Variants in POU6F2 observed in about 807,000 individuals in gnomAD.
POU6F2 encodes the protein POU class 6 homeobox 2, also known as POU domain, class 6, transcription factor 2.
Under a neutral mutation model 71.3 loss-of-function variants are expected in POU6F2, and 31 were observed. The ratio of observed to expected loss-of-function variants is 0.43; its 90% CI spans 0.33 to 0.59. The LOEUF is 0.59. Among genes scored for constraint, POU6F2 ranks in the 20% least tolerant of loss-of-function variants. The pLI is 0.04. For synonymous variants in POU6F2, 347 were observed against 355.7 expected, an observed-to-expected ratio of 0.98 and a Z score of 0.27; for missense variants, 783 against 856.8, an observed-to-expected ratio of 0.91 and a Z score of 1.07.
At chr7:39,245,542 T>C (rs1025897539) in intron 4 of POU6F2, among the ~76,000 whole-genome samples, 5 of 152,310 alleles carry the variant, frequency 3.3e-5, no homozygotes, top group African/African-American at 9.6e-5. Flanking sequence ...TACCTTCTTC[T>C]TAGACTTATT....
intron 1 of POU6F2, among the ~76,000 whole-genome samples, chr7:39,068,286 T>C (rs1318661893): frequency 1.3e-5 from 2 of 152,154 alleles, no homozygotes; most frequent in Non-Finnish European, 2.9e-5. Context: ...ATCAGTGCCC[T>C]GTCTCGCAAC....
intron 4 of POU6F2, among the ~76,000 whole-genome samples, chr7:39,232,347 G>C (rs1320189446): frequency 6.6e-6 from 1 of 152,020 alleles, no homozygotes; most frequent in Non-Finnish European, 1.5e-5. Flanking sequence ...AGATAACCAA[G>C]TGCTGCTTAC....
intron 4 of POU6F2, among the ~76,000 whole-genome samples, chr7:39,210,132 A>G (rs1211343992): frequency 6.6e-6 from 1 of 152,146 alleles, no homozygotes; most frequent in Non-Finnish European, 1.5e-5. Context: ...CTGCTCGTCT[A>G]TAATAAACAC....
rs142244971 is a variant in POU6F2 at position 39,371,171 on chromosome 7, C to T, written c.972+31156C>T. 2.6e-5 allele frequency among the ~76,000 whole-genome samples: 4 copies of T among 151,768 alleles called. No homozygotes were observed. The East Asian group carries it at 7.7e-4, about 29-fold the overall frequency. ...TGTTTTCAGGGAAAAAGAAGCCAGA[C>T]TCGGAGAATGGTTTTTTTTTTTTTT... On this transcript the variant is annotated intron_variant, in intron 5 of 9. Transcript: ENST00000518318.
chr7:39,416,414 T>G (rs1334864028), intron 6 of POU6F2, among the ~76,000 whole-genome samples: 1 of 152,128 alleles, frequency 6.6e-6, no homozygotes, highest in Non-Finnish European at 1.5e-5. Context: ...TGGGCACTCA[T>G]CAAATGAGCC....
intron 4 of POU6F2, among the ~76,000 whole-genome samples, chr7:39,264,334 A>G (rs1439635430): frequency 6.6e-6 from 1 of 152,236 alleles, no homozygotes; most frequent in African/African-American, 2.4e-5. Flanking sequence ...CCGTCATTCA[A>G]ATGCACTTGG....
At chr7:39,446,726 C>T (rs1562556059) in intron 7 of POU6F2, among the ~76,000 whole-genome samples, 1 of 152,246 alleles carries the variant, frequency 6.6e-6, no homozygotes, top group South Asian at 2.1e-4. Flanking sequence ...TCCTGTGCTC[C>T]ATTTGTCATT....
intron 7 of POU6F2, among the ~76,000 whole-genome samples, chr7:39,445,264 G>A (rs1416513578): frequency 6.6e-6 from 1 of 152,190 alleles, no homozygotes; most frequent in Non-Finnish European, 1.5e-5. Context: ...AGATAGAAAT[G>A]AGGCATTCCC....
chr7:39,204,157 T>C, intron 2 of POU6F2, 78 bp from the exon 3 acceptor site: 2 of 1,216,190 alleles, frequency 1.6e-6, no homozygotes, highest in South Asian at 2.6e-5. Context: ...TGTCATATCA[T>C]CTATGCCTTA....
chr7:39,168,918 C>T lies in POU6F2; in HGVS notation c.278-35317C>T, dbSNP rs1793163971. 4.6e-5 allele frequency among the ~76,000 whole-genome samples: 7 copies of T among 152,162 alleles called. No individual in the cohort carries two copies. The South Asian group carries it at 1.5e-3, about 32-fold the overall frequency. ...GCTGCGCCCATGTGGCCAGATTGATCCATTTCAAAGCAATGGTCATTAGAT... is the reference window on the plus strand; with the variant it reads ...GCTGCGCCCATGTGGCCAGATTGATTCATTTCAAAGCAATGGTCATTAGAT... On this transcript the variant is annotated intron_variant, in intron 2 of 9. Coordinates refer to ENST00000518318, the MANE Select transcript of POU6F2 (RefSeq NM_001370959.1).
intron 1 of POU6F2, among the ~76,000 whole-genome samples, chr7:39,043,736 A>G (rs1462532942): frequency 1.3e-5 from 2 of 151,896 alleles, no homozygotes; most frequent in East Asian, 1.9e-4. Flanking sequence ...GTCTTGCTTG[A>G]ATAGTCACAG....
In POU6F2 at chr7:39,410,934, C is replaced by T; in HGVS notation, c.1113+4194C>T. On this transcript the variant is annotated intron_variant, in intron 6 of 9. Coordinates refer to ENST00000518318, the MANE Select transcript of POU6F2 (RefSeq NM_001370959.1). ...GTTTCCTTATTCTGTGCTTCAATTT[C>T]TTCATCTGAAAAATGGAGATAATAG... Among the ~76,000 whole-genome samples, 2 of 152,172 alleles carry T rather than the reference C, an allele frequency of 1.3e-5. 1 individual carries two copies. Among genetic ancestry groups the T allele is most frequent in the East Asian group, 3.9e-4 (2 of 5,190 alleles).
At chr7:39,394,156 A>C (rs563408568) in intron 5 of POU6F2, among the ~76,000 whole-genome samples, 8 of 152,250 alleles carry the variant, frequency 5.3e-5, no homozygotes, top group Non-Finnish European at 8.8e-5. Context: ...TATCCTTTAT[A>C]AAATCACAGC....
chr7:39,433,356 T>C, intron 7 of POU6F2, 73 bp downstream of exon 7: 1 of 1,531,544 alleles, frequency 6.5e-7, no homozygotes, highest in African/African-American at 1.4e-5. Flanking sequence ...TTGGTCTCAA[T>C]CAATGAAAAG....
chr7:39,178,270 A>G (rs1201106431), intron 2 of POU6F2, among the ~76,000 whole-genome samples: 1 of 152,026 alleles, frequency 6.6e-6, no homozygotes, highest in Non-Finnish European at 1.5e-5. Context: ...AAAAAACAAA[A>G]ACTTTCTTCA....
At chr7:39,404,805 A>AT (rs1008279032) in intron 5 of POU6F2, 25 of 152,078 alleles carry the variant, frequency 1.6e-4, no homozygotes, top group Non-Finnish European at 2.9e-4. Flanking sequence ...AAAAAAAAAA[A>AT]GAACACATTA....
rs1398522121 is a variant in POU6F2, at chr7:39,117,011, A to G, written c.277+30980A>G. ...GTGGCACCTTCTTGTTTGTATGGTG[A>G]GTCTGAGAGAGCTCCTTTTTTGAGG... On this transcript the variant is annotated intron_variant, in intron 2 of 9. Transcript: ENST00000518318. 2.0e-5 allele frequency among the ~76,000 whole-genome samples: 3 copies of G among 152,130 alleles called. No individual in the cohort carries two copies. In the East Asian group the frequency reaches 5.8e-4, roughly 29 times the overall value.
chr7:39,079,157 A>G (rs1338076199), intron 1 of POU6F2, among the ~76,000 whole-genome samples: 1 of 141,204 alleles, frequency 7.1e-6, no homozygotes, highest in African/African-American at 2.7e-5. Flanking sequence ...TCTGTACATT[A>G]TCTCACTTGA....
rs113174304 is a variant in POU6F2 at position 39,429,728 on chromosome 7, T to G, written c.1114-3349T>G. Among the ~76,000 whole-genome samples, 292 of 152,316 alleles carry G rather than the reference T, an allele frequency of 1.9e-3. 3 individuals are homozygous for G. Among genetic ancestry groups the G allele is most frequent in the Non-Finnish European group, 1.8e-3 (122 of 68,022 alleles). ...CTTCCATCAGGACTTCTCCTAGCAG[T>G]AAATCTTAGCTTCTGGGAGCTGGGA... On this transcript the variant is annotated intron_variant, in intron 6 of 9. Coordinates refer to ENST00000518318, the MANE Select transcript of POU6F2 (RefSeq NM_001370959.1).
Sources: allele counts gnomAD v4.1 joint callset (sites outside exome capture counted in the v4.1 genomes callset), GRCh38; gene constraint gnomAD v4.1.1; transcripts MANE v1.5; gene names NCBI Gene and HGNC (gene_info 2026-07-23, HGNC 2026-07-21).